The following UNC79 variants were observed in gnomAD, a reference collection of about 807,000 sequenced individuals.
UNC79 encodes the protein protein unc-79 homolog.
A neutral mutation model predicts 283.1 loss-of-function variants in UNC79; 37 were observed. That is an observed-to-expected ratio of 0.13 (90% confidence interval 0.10 to 0.17). UNC79 has a LOEUF of 0.17. Ranked by LOEUF, UNC79 falls within the 10% of genes least tolerant of loss-of-function variation. The probability of loss-of-function intolerance (pLI) is 1.00; values close to 1 mark genes in which losing one functional copy is unlikely to be tolerated. For synonymous variants in UNC79, 1,107 were observed against 1,200.2 expected (o/e 0.92, Z 1.61); for missense variants, 2,272 against 3,211.1 (o/e 0.71, Z 7.07).
chr14:93,404,261 T>A (rs1459555836), intron 1 of UNC79, among the ~76,000 whole-genome samples: 4 of 150,594 alleles, frequency 2.7e-5, no homozygotes, highest in Non-Finnish European at 5.9e-5. Context: ...TGTTAAAAAA[T>A]TCACAAACAT....
At chr14:93,499,821 G>A (rs2059195023) in intron 7 of UNC79, among the ~76,000 whole-genome samples, 1 of 152,184 alleles carries the variant, frequency 6.6e-6, no homozygotes, top group East Asian at 1.9e-4. Flanking sequence ...TCAAGTAAGT[G>A]ACATTTAAGC....
chr14:93,581,543 G>T (rs2063814646), intron 19 of UNC79, among the ~76,000 whole-genome samples: 1 of 144,316 alleles, frequency 6.9e-6, no homozygotes, highest in Non-Finnish European at 1.5e-5. Flanking sequence ...GCCCAGGCTG[G>T]AGTACTGTGG....
intron 22 of UNC79, among the ~76,000 whole-genome samples, chr14:93,591,393 T>C (rs753768540): frequency 1.1e-4 from 17 of 152,196 alleles, no homozygotes; most frequent in Non-Finnish European, 2.2e-4. Context: ...AAACTTAACC[T>C]CTAATAGCTT....
chr14:93,654,646 A>C (rs2070725153), intron 37 of UNC79, among the ~76,000 whole-genome samples: 1 of 151,972 alleles, frequency 6.6e-6, no homozygotes, highest in Non-Finnish European at 1.5e-5. Context: ...TAATTAAGAA[A>C]TAGAATTGCA....
chr14:93,692,580 T>TTC (rs2074781313), intron 46 of UNC79, among the ~76,000 whole-genome samples: 1 of 152,110 alleles, frequency 6.6e-6, no homozygotes, highest in Non-Finnish European at 1.5e-5. Flanking sequence ...ACTACAGGTG[T>TTC]TCATTCCACT....
At chr14:93,336,809 A>C (rs2053586652) in intron 1 of UNC79, among the ~76,000 whole-genome samples, 1 of 152,238 alleles carries the variant, frequency 6.6e-6, no homozygotes, top group Non-Finnish European at 1.5e-5. Flanking sequence ...ACTTAAGTGC[A>C]TCAAAATGTA....
intron 13 of UNC79, 43 bp from the exon 14 acceptor site, chr14:93,542,423 G>T (rs1351494988): frequency 6.4e-7 from 1 of 1,562,996 alleles, no homozygotes. Flanking sequence ...ATTTTGTAAA[G>T]ATGGATGGAA....
At chr14:93,661,686 G>A (rs2071617181) in intron 39 of UNC79, among the ~76,000 whole-genome samples, 1 of 152,314 alleles carries the variant, frequency 6.6e-6, no homozygotes, top group East Asian at 1.9e-4. Context: ...TAATAATGAA[G>A]ATCATAGCTA....
At chr14:93,468,473 A>G (rs2057332706) in intron 2 of UNC79, among the ~76,000 whole-genome samples, 2 of 152,246 alleles carry the variant, frequency 1.3e-5, no homozygotes, top group Non-Finnish European at 2.9e-5. Context: ...CTCACGTTCC[A>G]TTAAATTCCA....
chr14:93,464,944 T>C (rs2140242185), intron 1 of UNC79, among the ~76,000 whole-genome samples: 1 of 152,350 alleles, frequency 6.6e-6, no homozygotes, highest in East Asian at 1.9e-4. Context: ...ATGGACCTTT[T>C]TGGCTGCTCT....
intron 26 of UNC79, among the ~76,000 whole-genome samples, chr14:93,604,024 C>A (rs2065707938): frequency 6.6e-6 from 1 of 152,012 alleles, no homozygotes; most frequent in Admixed American, 6.5e-5. Context: ...TATAAAAGGT[C>A]TTTCTTTATA....
intron 1 of UNC79, among the ~76,000 whole-genome samples, chr14:93,436,865 C>T (rs369979038): frequency 6.6e-6 from 1 of 151,982 alleles, no homozygotes; most frequent in South Asian, 2.1e-4. Context: ...TCTTGTTTTT[C>T]TCTCCTTCTG....
chr14:93,537,294 C>T (rs1038492685), intron 11 of UNC79, among the ~76,000 whole-genome samples: 9 of 152,234 alleles, frequency 5.9e-5, no homozygotes, highest in African/African-American at 2.2e-4. Flanking sequence ...CACCACTTTT[C>T]TCGTTCCCAT....
At chr14:93,522,836 C>T (rs1285062145) in intron 7 of UNC79, among the ~76,000 whole-genome samples, 5 of 151,952 alleles carry the variant, frequency 3.3e-5, no homozygotes, top group South Asian at 2.1e-4. Flanking sequence ...ACTATATTTC[C>T]GTGAATCCCC....
chr14:93,649,634 T>A (rs1162538970), intron 35 of UNC79, among the ~76,000 whole-genome samples: 1 of 152,218 alleles, frequency 6.6e-6, no homozygotes, highest in Non-Finnish European at 1.5e-5. Flanking sequence ...GATATAAATG[T>A]GATCTTTTGA....
intron 23 of UNC79, among the ~76,000 whole-genome samples, chr14:93,596,766 C>T (rs1029557283): frequency 6.6e-5 from 10 of 152,186 alleles, no homozygotes; most frequent in Admixed American, 6.5e-4. Context: ...TTTATAAAGC[C>T]ATGCTTTAAG....
At chr14:93,429,839 A>T (rs934430734), upstream of UNC79, among the ~76,000 whole-genome samples, 6 of 152,222 alleles carry the variant, frequency 3.9e-5, no homozygotes, top group Admixed American at 3.9e-4. Flanking sequence ...TTGCGCATCC[A>T]TTCGATCTGC....
downstream of UNC79, chr14:93,706,921 T>C (rs2075918226): frequency 1.2e-6 from 2 of 1,613,920 alleles, no homozygotes; most frequent in Non-Finnish European, 1.7e-6. Context: ...TCCTCGGCGC[T>C]CAGTGTCAAC....
chr14:93,385,744 A>G (rs60711070), intron 1 of UNC79, among the ~76,000 whole-genome samples: 15,939 of 150,550 alleles, frequency 0.11, 878 homozygotes, highest in Middle Eastern at 0.17. Context: ...GCACCACTGC[A>G]CTCCAGCCTG....
Sources: gnomAD v4.1 joint callset for allele counts (sites outside exome capture counted in the v4.1 genomes callset) on GRCh38, gnomAD v4.1.1 for gene constraint, MANE v1.5 for transcripts, NCBI Gene and HGNC (gene_info 2026-07-23, HGNC 2026-07-21) for gene names.